RNF40: variants seen among roughly 807,000 people sequenced by gnomAD.
The protein encoded by RNF40 is ring finger protein 40.
RNF40 carries 39 observed loss-of-function variants against 123.3 expected under a neutral mutation model. The observed-to-expected ratio is 0.32, with a 90% CI of 0.24 to 0.41. RNF40 has a LOEUF of 0.41. Ranked by LOEUF, RNF40 falls within the 10% of genes least tolerant of loss-of-function variation. The pLI, the probability that RNF40 is intolerant of heterozygous loss-of-function variation, is 1.00. For missense variants in RNF40, 1,003 were observed against 1,319.9 expected (o/e 0.76, Z 3.72); for synonymous variants, 538 against 526.0 (o/e 1.02, Z -0.31).
intron 2 of RNF40, among the ~76,000 whole-genome samples, 182 bp from the exon 3 acceptor site, chr16:30,762,933 GCCT>G (rs2053907451): frequency 6.6e-6 from 1 of 152,238 alleles, no homozygotes; most frequent in Admixed American, 6.5e-5. Context: ...AACAACGTGA[GCCT>G]CCTCACAACA....
In RNF40 at chr16:30,775,043, G is replaced by C. The variant is rs774882404; in HGVS notation, c.*929G>C. 2.2e-6 allele frequency: 1 copy of C among 456,412 alleles called. No individual in the cohort carries two copies. The highest frequency in any genetic ancestry group is 2.0e-5 in the African/African-American group (1 of 50,080). The allele number at this position is 456,412 out of a possible 1,614,324, so 28.3% of individuals were successfully genotyped here. Reference sequence around the variant, plus strand: ...AGCCTGTGTCCTGTCTGCCTGCCCAGCCATGCTCCATCGGCTGTGAGGGCA... The same window carrying C: ...AGCCTGTGTCCTGTCTGCCTGCCCACCCATGCTCCATCGGCTGTGAGGGCA... On this transcript the variant is annotated 3_prime_UTR_variant, in exon 20 of 20. Transcript: ENST00000324685.
Position 30,768,775 on chromosome 16 carries a change from A to G in RNF40, c.2097+39A>G, listed in dbSNP as rs780304525. The G allele has an allele frequency of 1.2e-6, 2 of 1,613,514 alleles. No homozygotes were observed. The highest frequency in any genetic ancestry group is 1.1e-5 in the South Asian group (1 of 91,088). ...GGGCTTGTGGGGCATTCAGAAAGGC[A>G]GAGCAGAGTCCTAGCTCAGCAGGAA... On this transcript the variant is annotated intron_variant, in intron 14 of 19. Coordinates refer to ENST00000324685, the MANE Select transcript of RNF40 (RefSeq NM_014771.4). This position sits in a 1 kb window ranked among gnomAD's most constrained non-coding sequence, Gnocchi z 4.1.
At chr16:30,767,767 C>A in intron 11 of RNF40, 127 bp from the exon 12 acceptor site, 1 of 1,274,526 alleles carries the variant, frequency 7.8e-7, no homozygotes, top group South Asian at 1.3e-5. Context: ...AGTTCATGCT[C>A]CGTTGAGGCC....
intron 1 of RNF40, 21 bp from the exon 2 acceptor site, chr16:30,762,454 T>G: frequency 7.4e-7 from 1 of 1,350,602 alleles, no homozygotes; most frequent in South Asian, 1.5e-5. Context: ...TTCCCACATC[T>G]CTGCTCTGTG....
chr16:30,769,166 T>G lies in RNF40; in HGVS notation c.2248-20T>G, dbSNP rs137908927. The G allele has an allele frequency of 1.9e-5, 30 of 1,613,524 alleles. No individual in the cohort carries two copies. Among genetic ancestry groups the G allele is most frequent in the Non-Finnish European group, 2.4e-5 (28 of 1,179,534 alleles). On this transcript the variant is annotated intron_variant, in intron 15 of 19. Transcript: ENST00000324685. Reference sequence around the variant, plus strand: ...TGTCCACTTCCCACGTTCCATCTTGTCTCTGCCCACTTGCTGCAGGAGGAG... The same window carrying G: ...TGTCCACTTCCCACGTTCCATCTTGGCTCTGCCCACTTGCTGCAGGAGGAG...
At position 30,768,351 on chromosome 16, in the gene RNF40, C is replaced by T; in HGVS notation, c.1800C>T (p.Ser600=). 5 of 1,613,026 alleles carry T rather than the reference C, an allele frequency of 3.1e-6. No homozygotes were observed. The highest frequency in any genetic ancestry group is 3.3e-5 in the Admixed American group (2 of 59,790). The part of the protein sequence containing the change: ...QGITPGAQGP[S]SRGREPEARP... The stretch of plus-strand genomic sequence containing the variant: ...TAACCCCTGGGGCCCAGGGCCCTTC[C>T]TCCCGGGGCCGAGAACCTGAGGCCA... The change falls in exon 13 of 20, where the codon TCC becomes TCT. Residue 600 remains serine (S), a synonymous_variant. Coordinates refer to ENST00000324685, the MANE Select transcript of RNF40 (RefSeq NM_014771.4). The surrounding 1 kb of genome is among the most constrained non-coding windows in gnomAD (Gnocchi z 4.1).
rs1228227112 is a variant in RNF40 at position 30,765,490 on chromosome 16, C to T, written c.984C>T (p.Ser328=). Reference sequence around the variant, plus strand: ...TCCAGGGGGGCCAGATCACACTCAGCATGCAGAAGGTGAGCGGCGTTTTCC... The same window carrying T: ...TCCAGGGGGGCCAGATCACACTCAGTATGCAGAAGGTGAGCGGCGTTTTCC... ...SGFQGGQITL[S]MQKFEMLNAE... The change falls in exon 8 of 20, where the codon AGC becomes AGT. Residue 328 remains serine (S), a synonymous_variant. Transcript: ENST00000324685. The T allele has an allele frequency of 1.2e-6, 2 of 1,613,878 alleles. No homozygotes were observed. The highest frequency in any genetic ancestry group is 2.7e-5 in the African/African-American group (2 of 74,926).
rs566298581 is a variant in RNF40, at chr16:30,772,514, CAG to C, written c.2829+325_2829+326del. The stretch of plus-strand genomic sequence containing the variant: ...AGAGGCCAGAGGGGCTGAGGGGACT[CAG>C]GGGAGGCCCTTCCCCTGGCCCTGGG... On this transcript the variant is annotated intron_variant, in intron 19 of 19. Transcript: ENST00000324685. Among the ~76,000 whole-genome samples the C allele has an allele frequency of 5.8e-3, 879 of 152,308 alleles. 47 individuals are homozygous for C. The highest frequency in any genetic ancestry group is 0.055 in the Admixed American group (843 of 15,308).
chr16:30,774,051 G>A lies in RNF40; in HGVS notation c.2943G>A (p.Arg981=), dbSNP rs745713650. 1.3e-4 allele frequency: 207 copies of A among 1,613,962 alleles called. No individual in the cohort carries two copies. Among genetic ancestry groups the A allele is most frequent in the Non-Finnish European group, 1.4e-4 (169 of 1,179,918 alleles). ...CVRGRYEARQ[R]KCPKCNAAFG... ...GGGGCCGCTATGAGGCCCGCCAGAGGAAGTGCCCCAAGTGCAACGCGGCCT... is the reference window on the plus strand; with the variant it reads ...GGGGCCGCTATGAGGCCCGCCAGAGAAAGTGCCCCAAGTGCAACGCGGCCT... The change falls in exon 20 of 20, where the codon AGG becomes AGA. Residue 981 remains arginine (R), a synonymous_variant. Transcript: ENST00000324685.
rs370199075 is a variant in RNF40 at position 30,764,337 on chromosome 16, C to G, written c.601C>G (p.Arg201Gly). The G allele has an allele frequency of 6.2e-7, 1 of 1,613,806 alleles. No homozygotes were observed. The highest frequency in any genetic ancestry group is 2.2e-5 in the East Asian group (1 of 44,878). The change falls in exon 5 of 20, where the codon CGC (arginine) becomes GGC (glycine). Residue 201 changes from arginine to glycine, a missense_variant. Coordinates refer to ENST00000324685, the MANE Select transcript of RNF40 (RefSeq NM_014771.4). ...GTCTCGTGTGGTAGAGGCCTCAGAC[C>G]GCCTACAGCGCCGGGTGGAGGAACT... ...AVSRVVEASD[R>G]LQRRVEELCQ...
At chr16:30,771,177 G>A (rs1053324464) in intron 17 of RNF40, among the ~76,000 whole-genome samples, 2 of 152,142 alleles carry the variant, frequency 1.3e-5, no homozygotes, top group African/African-American at 4.8e-5. Context: ...GCATGTCACA[G>A]TAAGCCTTGT....
intron 1 of RNF40, 54 bp downstream of exon 1, chr16:30,762,414 A>T: frequency 1.0e-6 from 1 of 960,022 alleles, no homozygotes; most frequent in Non-Finnish European, 1.5e-6. Context: ...TGCAGGGTGG[A>T]GGGTGTTTGG....
At position 30,774,116 on chromosome 16, in the gene RNF40, C is replaced by T. The variant is rs751911366; in HGVS notation, c.*2C>T. The T allele has an allele frequency of 3.1e-6, 5 of 1,610,530 alleles. No individual in the cohort carries two copies. The highest frequency in any genetic ancestry group is 1.1e-5 in the South Asian group (1 of 90,884). ...TTCCATCGTATCTACATCAGCTGAA[C>T]CTGAAACTCAGGGGACTCTGGAACA... On this transcript the variant is annotated 3_prime_UTR_variant, in exon 20 of 20. Transcript: ENST00000324685.
intron 1 of RNF40, 46 bp from the exon 2 acceptor site, chr16:30,762,428 TG>T: frequency 8.9e-7 from 1 of 1,125,620 alleles, no homozygotes; most frequent in South Asian, 1.7e-5. Flanking sequence ...TGTTTGGGGC[TG>T]TGGAACACCA....
In RNF40 at chr16:30,774,577, CTT is replaced by C. The variant is rs1478570982; in HGVS notation, c.*465_*466del. Reference sequence around the variant, plus strand: ...GACTGGGCTGCAGGCCCCAGGAAGACTTTCCTTCACCCACCATCCCCCTAACC... The same window carrying C: ...GACTGGGCTGCAGGCCCCAGGAAGACTCCTTCACCCACCATCCCCCTAACC... On this transcript the variant is annotated 3_prime_UTR_variant, in exon 20 of 20. Transcript: ENST00000324685. The C allele has an allele frequency of 8.9e-6, 2 of 224,828 alleles. No homozygotes were observed. Among genetic ancestry groups the C allele is most frequent in the Non-Finnish European group, 1.8e-5 (2 of 111,084 alleles). 13.9% of individuals were successfully genotyped at this position (224,828 alleles called of 1,614,324 possible).
Position 30,768,012 on chromosome 16 carries a change from C to G in RNF40, c.1548C>G (p.Gly516=), listed in dbSNP as rs1260879256. The change falls in exon 12 of 20, where the codon GGC becomes GGG. Residue 516 remains glycine, a synonymous_variant. Transcript: ENST00000324685. This position sits in a 1 kb window ranked among gnomAD's most constrained non-coding sequence, Gnocchi z 4.1. ...RKLREVQAEI[G]KLRAQASGSA... ...TTCGAGAAGTACAAGCTGAGATTGGCAAGGTGAGAAGGGGCCTGCCTGGGA... is the reference window on the plus strand; with the variant it reads ...TTCGAGAAGTACAAGCTGAGATTGGGAAGGTGAGAAGGGGCCTGCCTGGGA... 1.2e-6 allele frequency: 2 copies of G among 1,614,218 alleles called. No homozygotes were observed. Among genetic ancestry groups the G allele is most frequent in the Admixed American group, 1.7e-5 (1 of 60,026 alleles).
At position 30,763,472 on chromosome 16, in the gene RNF40, T is replaced by C; in HGVS notation, c.355T>C (p.Ser119Pro). Reference sequence around the variant, plus strand: ...ATGCCATGAGAGCCAGGGGGAGCTGTCTTCAGCGCCTGAGGCACCTGGGAC... The same window carrying C: ...ATGCCATGAGAGCCAGGGGGAGCTGCCTTCAGCGCCTGAGGCACCTGGGAC... Reference protein sequence around the residue: ...LRCHESQGELSSAPEAPGTQE... With the variant: ...LRCHESQGELPSAPEAPGTQE... Residue 119 changes from serine (S) to proline (P), a missense_variant, in exon 4 of 20, where the codon TCT (serine) becomes CCT (proline). By Grantham distance (74) the Ser-to-Pro change is moderately conservative (BLOSUM62 -1). Transcript: ENST00000324685. 1 of 1,613,228 alleles carries C rather than the reference T, an allele frequency of 6.2e-7. No homozygotes were observed. The highest frequency in any genetic ancestry group is 8.5e-7 in the Non-Finnish European group (1 of 1,179,674).
chr16:30,774,250 G>A lies in RNF40; in HGVS notation c.*136G>A, dbSNP rs1596766808. ...CAGCCCCTGCCCATCTAGTTGGTTT[G>A]GGGACCCTGGTGCATGCTAGTGGGC... On this transcript the variant is annotated 3_prime_UTR_variant, in exon 20 of 20. Transcript: ENST00000324685. The A allele has an allele frequency of 2.2e-5, 20 of 898,972 alleles. No homozygotes were observed. The East Asian group carries it at 5.3e-4, about 24-fold the overall frequency. 55.7% of individuals were successfully genotyped at this position (898,972 alleles called of 1,614,324 possible). A position where few individuals can be genotyped will look rare whatever the true frequency, so the allele number is the denominator to read the frequency against.
chr16:30,764,041 C>G, intron 4 of RNF40, 138 bp from the exon 5 acceptor site: 1 of 678,456 alleles, frequency 1.5e-6, no homozygotes, highest in East Asian at 2.8e-5. Flanking sequence ...GTCTCACTTT[C>G]AGGATGGAGA....
Sources: gnomAD v4.1 joint callset for allele counts (sites outside exome capture counted in the v4.1 genomes callset) on GRCh38, gnomAD v4.1.1 for gene constraint, Gnocchi (gnomAD v3.1) non-coding constraint, MANE v1.5 for transcripts, NCBI Gene and HGNC (gene_info 2026-07-23, HGNC 2026-07-21) for gene names.